Variants in KCNH8 observed in about 807,000 individuals in gnomAD.
KCNH8 encodes the protein potassium voltage-gated channel subfamily H member 8, also known as voltage-gated delayed rectifier potassium channel KCNH8.
In KCNH8, 70 loss-of-function variants were observed where a neutral mutation model predicts 103.6. The observed-to-expected ratio is 0.68, with a 90% CI of 0.56 to 0.82. The LOEUF (loss-of-function observed/expected upper bound fraction) is 0.82, where lower values mean the gene tolerates loss of function less well. Ranked by LOEUF, KCNH8 falls within the 40% of genes least tolerant of loss-of-function variation. The pLI, the probability that KCNH8 is intolerant of heterozygous loss-of-function variation, is 0.00. For synonymous variants in KCNH8, 498 were observed against 489.4 expected, an observed-to-expected ratio of 1.02 and a Z score of -0.23; for missense variants, 1,217 against 1,329.9, an observed-to-expected ratio of 0.92 and a Z score of 1.32.
chr3:19,338,869 G>A (rs561781060), intron 3 of KCNH8, among the ~76,000 whole-genome samples: 5 of 152,136 alleles, frequency 3.3e-5, no homozygotes, highest in Middle Eastern at 3.4e-3. Flanking sequence ...TGTAAGTTCA[G>A]TTTAATGGAA....
intron 3 of KCNH8, among the ~76,000 whole-genome samples, chr3:19,329,916 T>G (rs539262311): frequency 6.6e-6 from 1 of 151,950 alleles, no homozygotes; most frequent in East Asian, 1.9e-4. Context: ...GATTGGCTTT[T>G]AGCTTTTTTT....
intron 11 of KCNH8, among the ~76,000 whole-genome samples, chr3:19,489,048 G>A (rs994810148): frequency 7.2e-5 from 11 of 152,182 alleles, no homozygotes; most frequent in Non-Finnish European, 4.4e-5. Context: ...ATTTACCCCA[G>A]TAATATTGCT....
intron 1 of KCNH8, among the ~76,000 whole-genome samples, chr3:19,159,895 A>G (rs1356262518): frequency 1.3e-5 from 2 of 152,116 alleles, no homozygotes; most frequent in African/African-American, 2.4e-5. Context: ...AGTTGGAAAT[A>G]TGGGAAATTA....
intron 5 of KCNH8, among the ~76,000 whole-genome samples, chr3:19,351,853 A>G (rs12108118): frequency 0.11 from 16,415 of 152,210 alleles, 1,028 homozygotes; most frequent in East Asian, 0.18. Context: ...ACCAGCTGAC[A>G]TCATAATGAC....
intron 5 of KCNH8, among the ~76,000 whole-genome samples, chr3:19,360,496 C>T (rs777151030): frequency 2.6e-5 from 4 of 152,024 alleles, no homozygotes; most frequent in Non-Finnish European, 4.4e-5. Context: ...CCCACTATAT[C>T]AGCAGAGTTG....
intron 1 of KCNH8, among the ~76,000 whole-genome samples, chr3:19,166,949 G>A (rs541869958): frequency 5.3e-5 from 8 of 152,342 alleles, no homozygotes; most frequent in African/African-American, 1.9e-4. Context: ...AAGTATCTCA[G>A]TTGTGGTGCT....
At chr3:19,157,340 AGGGTATT>A (rs1246776765) in intron 1 of KCNH8, among the ~76,000 whole-genome samples, 3 of 152,054 alleles carry the variant, frequency 2.0e-5, no homozygotes, top group Admixed American at 6.6e-5. Context: ...GAAAAGAATG[AGGGTATT>A]GGGCCTGGGG....
intron 3 of KCNH8, among the ~76,000 whole-genome samples, chr3:19,304,517 A>C (rs988818123): frequency 1.6e-4 from 24 of 152,148 alleles, no homozygotes; most frequent in Non-Finnish European, 3.2e-4. Context: ...GATATAATGA[A>C]GTAAAGAAGC....
intron 1 of KCNH8, among the ~76,000 whole-genome samples, chr3:19,237,202 G>A (rs532355504): frequency 6.6e-5 from 10 of 152,296 alleles, no homozygotes; most frequent in Admixed American, 1.3e-4. Flanking sequence ...TGGTGTTTTC[G>A]TTGTTGAGTA....
chr3:19,270,031 A>C (rs1010712374), intron 2 of KCNH8, among the ~76,000 whole-genome samples: 6 of 152,108 alleles, frequency 3.9e-5, no homozygotes, highest in Admixed American at 3.3e-4. Flanking sequence ...AGTCTTCTTA[A>C]ATCTCCAAAG....
intron 6 of KCNH8, among the ~76,000 whole-genome samples, chr3:19,392,318 C>A (rs369773993): frequency 6.2e-4 from 78 of 125,326 alleles, no homozygotes; most frequent in East Asian, 1.7e-3. Flanking sequence ...ACATCTGTGT[C>A]AAAAAAAAAA....
At chr3:19,410,919 C>T (rs2066767927) in intron 7 of KCNH8, among the ~76,000 whole-genome samples, 1 of 149,172 alleles carries the variant, frequency 6.7e-6, no homozygotes, top group South Asian at 2.1e-4. Flanking sequence ...GAGTTTACCA[C>T]TGAATAATAC....
intron 11 of KCNH8, among the ~76,000 whole-genome samples, chr3:19,501,906 G>C (rs940072612): frequency 9.8e-5 from 15 of 152,318 alleles, no homozygotes; most frequent in South Asian, 6.2e-4. Flanking sequence ...ATTCAATATA[G>C]TGTTGGAAGT....
At chr3:19,510,478 T>C in intron 12 of KCNH8, 77 bp downstream of exon 12, 1 of 913,286 alleles carries the variant, frequency 1.1e-6, no homozygotes. Flanking sequence ...GTCTTTCTCT[T>C]CAGAATTTCA....
chr3:19,501,036 T>C (rs1313021320), intron 11 of KCNH8, among the ~76,000 whole-genome samples: 4 of 151,562 alleles, frequency 2.6e-5, no homozygotes, highest in Non-Finnish European at 5.9e-5. Flanking sequence ...CTAGCAAGAC[T>C]AATAAAGAAA....
At position 19,347,917 on chromosome 3, in the gene KCNH8, C is replaced by A; in HGVS notation, c.763C>A (p.Arg255=). 1.2e-6 allele frequency: 2 copies of A among 1,613,176 alleles called. No homozygotes were observed. The highest frequency in any genetic ancestry group is 1.7e-6 in the Non-Finnish European group (2 of 1,179,394). The change falls in exon 5 of 16, where the codon CGG becomes AGG. Residue 255 remains arginine (R), a synonymous_variant. Coordinates refer to ENST00000328405, the MANE Select transcript of KCNH8 (RefSeq NM_144633.3). ...TGGCAATGACGACCTGTCCACAACT[C>A]GGAGCACAACCGTCAGTGACATTGC... The part of the protein sequence containing the change: ...FIGNDDLSTT[R]STTVSDIAVE...
rs936484848 is a variant in KCNH8, at chr3:19,534,479, A to G, written c.*380A>G. On this transcript the variant is annotated 3_prime_UTR_variant, in exon 16 of 16. Coordinates refer to ENST00000328405, the MANE Select transcript of KCNH8 (RefSeq NM_144633.3). The stretch of plus-strand genomic sequence containing the variant: ...CATGAGTGCCTGATTGTTATTCCTG[A>G]ACAATATCCATAGCACTGTTGGCCT... The G allele has an allele frequency of 9.1e-6, 2 of 219,862 alleles. No homozygotes were observed. Among genetic ancestry groups the G allele is most frequent in the African/African-American group, 4.6e-5 (2 of 43,272 alleles). 13.6% of individuals were successfully genotyped at this position (219,862 alleles called of 1,614,324 possible). A position where few individuals can be genotyped will look rare whatever the true frequency, so the allele number is the denominator to read the frequency against.
At chr3:19,533,344 C>A in intron 15 of KCNH8, 51 bp from the exon 16 acceptor site, 3 of 1,096,184 alleles carry the variant, frequency 2.7e-6, no homozygotes, top group South Asian at 1.3e-5. Flanking sequence ...GAAATGTGGT[C>A]ACTACTATGC....
At chr3:19,470,328 T>A (rs1440907512) in intron 11 of KCNH8, among the ~76,000 whole-genome samples, 2 of 152,200 alleles carry the variant, frequency 1.3e-5, no homozygotes, top group African/African-American at 2.4e-5. Context: ...GCTCTCAAAC[T>A]CTAAACATTA....
Sources: gnomAD v4.1 joint callset for allele counts (sites outside exome capture counted in the v4.1 genomes callset) on GRCh38, gnomAD v4.1.1 for gene constraint, MANE v1.5 for transcripts, NCBI Gene and HGNC (gene_info 2026-07-23, HGNC 2026-07-21) for gene names.